Variants in FAT1 observed in about 807,000 individuals in gnomAD.
FAT1 encodes FAT atypical cadherin 1.
Under a neutral mutation model 329.8 loss-of-function variants are expected in FAT1, and 171 were observed. That is an observed-to-expected ratio of 0.52 (90% CI 0.46 to 0.59). The LOEUF is 0.59. FAT1 is among the 20% of genes least tolerant of loss of function. The pLI is 0.00. For missense variants in FAT1, 5,672 were observed against 5,774.4 expected (o/e 0.98, Z 0.57); for synonymous variants, 2,233 against 2,228.6 (o/e 1.00, Z -0.06).
At chr4:186,623,804 G>A (rs1740163466) in intron 9 of FAT1, among the ~76,000 whole-genome samples, 1 of 152,168 alleles carries the variant, frequency 6.6e-6, no homozygotes, top group Non-Finnish European at 1.5e-5. Context: ...TCATCGCCCT[G>A]TGTTTTCTTT....
Position 186,618,020 on chromosome 4 carries a change from C to T in FAT1, c.8566G>A (p.Val2856Ile), listed in dbSNP as rs1244795146. The T allele has an allele frequency of 6.2e-7, 1 of 1,613,910 alleles. No homozygotes were observed. Among genetic ancestry groups the T allele is most frequent in the African/African-American group, 1.3e-5 (1 of 74,918 alleles). ...ATGTTAATGGCAAAGGATTCAATGA[C>T]TTCCACACTTTGTGACTGATCCAGG... ...YSLDQSQSVE[V>I]IESFAINMET... Residue 2856 changes from valine (V) to isoleucine (I), a missense_variant, in exon 10 of 27, where the codon GTC becomes ATC. This residue lies in a region of FAT1 where 3,966 missense variants were observed against 3,915.2 expected (regional missense o/e 1.01). Coordinates refer to ENST00000441802, the MANE Select transcript of FAT1 (RefSeq NM_005245.4).
chr4:186,617,930 T>C lies in FAT1; in HGVS notation c.8656A>G (p.Lys2886Glu), dbSNP rs771153997. ...DHEKRDNYQI[K>E]VVASDHGEKI... The stretch of plus-strand genomic sequence containing the variant: ...TCACCATGATCTGATGCAACCACTT[T>C]AATCTGGTAATTGTCTCTCTTTTCA... The change falls in exon 10 of 27, where the codon AAA (lysine) becomes GAA (glutamate). Residue 2886 changes from lysine (K) to glutamate (E), a missense_variant. Lys to Glu is a moderately conservative substitution (Grantham distance 56). Transcript: ENST00000441802. The C allele has an allele frequency of 1.2e-5, 19 of 1,613,940 alleles. No individual in the cohort carries two copies. The highest frequency in any genetic ancestry group is 1.5e-5 in the Non-Finnish European group (18 of 1,179,914).
At chr4:186,676,316 T>C (rs1046092764) in intron 2 of FAT1, among the ~76,000 whole-genome samples, 22 of 151,652 alleles carry the variant, frequency 1.5e-4, no homozygotes, top group Non-Finnish European at 3.1e-4. Context: ...GAAGAGGATA[T>C]GCAAGAAAAA....
Position 186,618,631 on chromosome 4 carries a change from G to A in FAT1, c.7955C>T (p.Ser2652Phe), listed in dbSNP as rs1319757634. 2.5e-6 allele frequency: 4 copies of A among 1,613,894 alleles called. No individual in the cohort carries two copies. The Admixed American group carries it at 6.7e-5, about 27-fold the overall frequency. The change falls in exon 10 of 27, where the codon TCC becomes TTC. Residue 2652 changes from serine (S) to phenylalanine (F), a missense_variant. This residue lies in a region of FAT1 where 3,966 missense variants were observed against 3,915.2 expected (regional missense o/e 1.01). Transcript: ENST00000441802. ...GCTCTCCTTTGTAGTGATTACGCCG[G>A]ACAGTTTGTTAATTTCCAAATTCTC... Reference protein sequence around the residue: ...VKENLEINKLSGVITTKESLI... With the variant: ...VKENLEINKLFGVITTKESLI...
Position 186,617,020 on chromosome 4 carries a change from A to G in FAT1, c.9060T>C (p.Ser3020=). ...EVKVLDANDN[S]PVCEKTLYSD... is the part of the protein sequence containing the mutation. ...AGCTGCTTACCTTTTCACAAACTGG[A>G]CTGTTGTCATTTGCATCCAGAACTT... is the stretch of plus-strand genomic sequence containing the variant. The change falls in exon 11 of 27, where the codon AGT becomes AGC. Residue 3020 remains serine (S), a synonymous_variant. Coordinates refer to ENST00000441802, the MANE Select transcript of FAT1 (RefSeq NM_005245.4). The G allele has an allele frequency of 6.2e-7, 1 of 1,613,054 alleles. No homozygotes were observed. The highest frequency in any genetic ancestry group is 1.1e-5 in the South Asian group (1 of 90,762).
At position 186,588,828 on chromosome 4, in the gene FAT1, T is replaced by C. The variant is rs2126350873; in HGVS notation, c.13531A>G (p.Thr4511Ala). 1 of 1,613,944 alleles carries C rather than the reference T, an allele frequency of 6.2e-7. No individual in the cohort carries two copies. Among genetic ancestry groups the C allele is most frequent in the Non-Finnish European group, 8.5e-7 (1 of 1,179,880 alleles). Residue 4511 changes from threonine to alanine, a missense_variant, in exon 27 of 27, where the codon ACT becomes GCT. Coordinates refer to ENST00000441802, the MANE Select transcript of FAT1 (RefSeq NM_005245.4). Reference sequence around the variant, plus strand: ...TAAGGGGCATGGGGTTCTCTACAAGTACTATTCTCACCAGTGCCTTTTGTT... The same window carrying C: ...TAAGGGGCATGGGGTTCTCTACAAGCACTATTCTCACCAGTGCCTTTTGTT... ...PQTKGTGENSTCREPHAPYPP... is the reference protein window; with the variant it reads ...PQTKGTGENSACREPHAPYPP...
rs527672454 is a variant in FAT1, at chr4:186,636,450, T to C, written c.3972+135A>G. ...CCTGATTCTCAAACGTTATCCGGCATTGCCTAATGGGGCCAGCAGGTCACA... is the reference window on the plus strand; with the variant it reads ...CCTGATTCTCAAACGTTATCCGGCACTGCCTAATGGGGCCAGCAGGTCACA... On this transcript the variant is annotated intron_variant, in intron 5 of 26. Transcript: ENST00000441802. 3.5e-5 allele frequency: 35 copies of C among 990,368 alleles called. No individual in the cohort carries two copies. The Admixed American group carries it at 6.9e-4, about 20-fold the overall frequency. The allele number at this position is 990,368 out of a possible 1,614,324, so 61.3% of individuals were successfully genotyped here. A position where few individuals can be genotyped will look rare whatever the true frequency, so the allele number is the denominator to read the frequency against.
intron 2 of FAT1, among the ~76,000 whole-genome samples, chr4:186,673,904 C>G (rs327078): frequency 0.17 from 26,028 of 152,130 alleles, 2,609 homozygotes; most frequent in East Asian, 0.26. Context: ...TGTGGATAAG[C>G]TCTACTGTTA....
At position 186,634,612 on chromosome 4, in the gene FAT1, A is replaced by G. The variant is rs568428570; in HGVS notation, c.4184-789T>C. On this transcript the variant is annotated intron_variant, in intron 6 of 26. Coordinates refer to ENST00000441802, the MANE Select transcript of FAT1 (RefSeq NM_005245.4). ...GATGGGTGACCATGCGCACACTATG[A>G]AAAAAAAAACAGCGATGGAAGATAG... 3.9e-5 allele frequency among the ~76,000 whole-genome samples: 5 copies of G among 128,836 alleles called. No homozygotes were observed. In the East Asian group the frequency reaches 1.1e-3, roughly 28 times the overall value. The allele number at this position is 128,836 out of a possible 152,430, so 84.5% of individuals were successfully genotyped here.
chr4:186,592,471 A>G (rs1424828139), intron 26 of FAT1, among the ~76,000 whole-genome samples: 1 of 49,900 alleles, frequency 2.0e-5, no homozygotes, highest in Non-Finnish European at 5.2e-5. Context: ...ATCTCATGTA[A>G]ATCACTATGA....
intron 14 of FAT1, 50 bp downstream of exon 14, chr4:186,611,336 A>G (rs1739432299): frequency 6.6e-7 from 1 of 1,522,306 alleles, no homozygotes; most frequent in African/African-American, 1.4e-5. Context: ...AAGCAAATCT[A>G]GTTTTCTTGG....
At chr4:186,609,100 C>T (rs1371104604) in intron 16 of FAT1, 83 bp downstream of exon 16, 19 of 1,513,812 alleles carry the variant, frequency 1.3e-5, no homozygotes, top group Admixed American at 7.4e-5. Flanking sequence ...GCTCACACCA[C>T]GCCCAGCAGA....
intron 3 of FAT1, among the ~76,000 whole-genome samples, chr4:186,651,983 G>C (rs1741685809): frequency 6.6e-6 from 1 of 152,326 alleles, no homozygotes; most frequent in East Asian, 1.9e-4. Context: ...AGACTGGCGA[G>C]GCTGGAAAGC....
Position 186,708,074 on chromosome 4 carries a change from C to G in FAT1, c.1754G>C (p.Gly585Ala), listed in dbSNP as rs1744731850. ...EGTIPRDLGVGEQITTVSAID... is the reference protein window; with the variant it reads ...EGTIPRDLGVAEQITTVSAID... ...AGCAGAAACAGTGGTTATTTGCTCT[C>G]CCACGCCTAGATCTCTGGGAATTGT... The change falls in exon 2 of 27, where the codon GGA becomes GCA. Residue 585 changes from glycine (G) to alanine (A), a missense_variant. Physicochemically the swap from Gly to Ala is moderately conservative, Grantham distance 60. This residue lies in a region of FAT1 where 3,966 missense variants were observed against 3,915.2 expected (regional missense o/e 1.01). Coordinates refer to ENST00000441802, the MANE Select transcript of FAT1 (RefSeq NM_005245.4). 4 of 1,613,930 alleles carry G rather than the reference C, an allele frequency of 2.5e-6. No homozygotes were observed. Among genetic ancestry groups the G allele is most frequent in the Non-Finnish European group, 3.4e-6 (4 of 1,179,864 alleles).
intron 19 of FAT1, 25 bp from the exon 20 acceptor site, chr4:186,603,059 G>A (rs372013084): frequency 9.9e-6 from 16 of 1,613,562 alleles, no homozygotes; most frequent in African/African-American, 2.7e-5. Flanking sequence ...GGGAGAAAGG[G>A]AAAAGATAAT....
At chr4:186,606,785 A>G (rs1045959004) in intron 16 of FAT1, among the ~76,000 whole-genome samples, 2 of 152,222 alleles carry the variant, frequency 1.3e-5, no homozygotes, top group Non-Finnish European at 2.9e-5. Context: ...GTCAAGTGAG[A>G]TAGCTTCTTT....
intron 2 of FAT1, among the ~76,000 whole-genome samples, chr4:186,699,631 G>A (rs534478934): frequency 6.6e-6 from 1 of 151,478 alleles, no homozygotes; most frequent in Non-Finnish European, 1.5e-5. Flanking sequence ...AAAAGATTGC[G>A]CTTTGTGGCA....
intron 2 of FAT1, among the ~76,000 whole-genome samples, chr4:186,697,336 G>A (rs1280927180): frequency 2.6e-5 from 4 of 152,322 alleles, no homozygotes; most frequent in South Asian, 2.1e-4. Flanking sequence ...ACGCGAAAGC[G>A]CAGCGTCTGT....
rs189271562 is a variant in FAT1 at position 186,620,816 on chromosome 4, C to T, written c.5770G>A (p.Gly1924Arg). 29 of 1,613,966 alleles carry T rather than the reference C, an allele frequency of 1.8e-5. No homozygotes were observed. Among genetic ancestry groups the T allele is most frequent in the African/African-American group, 1.1e-4 (8 of 75,030 alleles). Reference sequence around the variant, plus strand: ...TTGTAGTCCATAGAAAACTTCTCCCCGATGTTGCCTTCGGTGATGGAGTAA... The same window carrying T: ...TTGTAGTCCATAGAAAACTTCTCCCTGATGTTGCCTTCGGTGATGGAGTAA... ...LIYSITEGNI[G>R]EKFSMDYKTG... is the part of the protein sequence containing the mutation. The change falls in exon 10 of 27, where the codon GGG (glycine) becomes AGG (arginine). Residue 1924 changes from glycine to arginine, a missense_variant. Coordinates refer to ENST00000441802, the MANE Select transcript of FAT1 (RefSeq NM_005245.4).
Sources: allele counts gnomAD v4.1 joint callset (sites outside exome capture counted in the v4.1 genomes callset), GRCh38; gene constraint gnomAD v4.1.1; regional missense constraint gnomAD v4.1.1; transcripts MANE v1.5; gene names NCBI Gene and HGNC (gene_info 2026-07-23, HGNC 2026-07-21).